Variants in GRM1 observed in about 807,000 individuals in gnomAD.
GRM1 encodes metabotropic glutamate receptor 1.
Under a neutral mutation model 90.9 loss-of-function variants are expected in GRM1, and 33 were observed. The observed-to-expected ratio is 0.36, with a 90% CI of 0.28 to 0.49. The LOEUF (loss-of-function observed/expected upper bound fraction) is 0.49. Among genes scored for constraint, GRM1 ranks in the 20% least tolerant of loss-of-function variants. The probability of loss-of-function intolerance (pLI) is 0.99; values close to 1 mark genes in which losing one functional copy is unlikely to be tolerated. For missense variants in GRM1, 1,190 were observed against 1,534.3 expected (o/e 0.78, Z 3.75); for synonymous variants, 700 against 613.2 (o/e 1.14, Z -2.09).
rs1381112707 is a variant in GRM1, at chr6:146,113,873, G to T, written c.701-45475G>T. Among the ~76,000 whole-genome samples, 3 of 152,102 alleles carry T rather than the reference G, an allele frequency of 2.0e-5. No homozygotes were observed. In the East Asian group the frequency reaches 5.8e-4, roughly 29 times the overall value. On this transcript the variant is annotated intron_variant, in intron 1 of 7. Coordinates refer to ENST00000282753, the MANE Select transcript of GRM1 (RefSeq NM_001278064.2). ...TGAGTTCATGGCTGTTTGGGGAGAG[G>T]TTCTTTGGGCCACCGGTCCTCAATC...
chr6:146,399,046 G>C lies in GRM1; in HGVS notation c.2007G>C (p.Ala669=). The C allele has an allele frequency of 6.2e-7, 1 of 1,613,940 alleles. No individual in the cohort carries two copies. The part of the protein sequence containing the change: ...LQRLLVGLSS[A]MCYSALVTKT... ...GCCTCTTGGTTGGCCTCTCCTCTGC[G>C]ATGTGCTACTCTGCTTTAGTGACTA... The change falls in exon 7 of 8, where the codon GCG becomes GCC. Residue 669 remains alanine, a synonymous_variant. Transcript: ENST00000282753. This position sits in a 1 kb window ranked among gnomAD's most constrained non-coding sequence, Gnocchi z 5.4.
Position 146,029,266 on chromosome 6 carries a change from G to A in GRM1, c.-252G>A. On this transcript the variant is annotated 5_prime_UTR_variant, in exon 1 of 8. The change creates a new upstream start codon in the 5' untranslated region. Coordinates refer to ENST00000282753, the MANE Select transcript of GRM1 (RefSeq NM_001278064.2). ...ATCAATTTACCTTGATGCACTACCG[G>A]TGAAGAACGGGGACTCGAATTCCCT... 1.8e-6 allele frequency: 1 copy of A among 553,816 alleles called. No individual in the cohort carries two copies. The highest frequency in any genetic ancestry group is 3.1e-5 in the Admixed American group (1 of 32,470). The allele number at this position is 553,816 out of a possible 1,614,324, so 34.3% of individuals were successfully genotyped here. A position where few individuals can be genotyped will look rare whatever the true frequency, so the allele number is the denominator to read the frequency against.
At chr6:146,337,194 A>G (rs1426974258) in intron 3 of GRM1, among the ~76,000 whole-genome samples, 17 of 152,282 alleles carry the variant, frequency 1.1e-4, no homozygotes, top group South Asian at 1.0e-3. Flanking sequence ...TCAGGACTAC[A>G]CTTCTGAAGC....
chr6:146,434,871 G>C lies in GRM1; in HGVS notation c.*75G>C, dbSNP rs541849317. ...CCTCCAGAGATGTGCAAACAGCTGG[G>C]AGGAAAAGCCTGGGAGTGGGGGGCC... On this transcript the variant is annotated 3_prime_UTR_variant, in exon 8 of 8. Transcript: ENST00000282753. 4.5e-6 allele frequency: 6 copies of C among 1,346,454 alleles called. No individual in the cohort carries two copies. Among genetic ancestry groups the C allele is most frequent in the Non-Finnish European group, 5.2e-6 (5 of 953,498 alleles). 83.4% of individuals were successfully genotyped at this position (1,346,454 alleles called of 1,614,324 possible).
intron 2 of GRM1, among the ~76,000 whole-genome samples, chr6:146,283,723 A>G (rs1782662832): frequency 6.6e-6 from 1 of 152,200 alleles, no homozygotes; most frequent in Non-Finnish European, 1.5e-5. Flanking sequence ...TTCTCATTTT[A>G]CAGATCAGGA....
At chr6:146,430,920 T>G (rs1420944014) in intron 7 of GRM1, among the ~76,000 whole-genome samples, 2 of 152,224 alleles carry the variant, frequency 1.3e-5, no homozygotes, top group African/African-American at 4.8e-5. Context: ...AAAACAGCAG[T>G]GCATTGTCTA....
intron 2 of GRM1, among the ~76,000 whole-genome samples, chr6:146,164,451 C>T: frequency 6.6e-6 from 1 of 152,082 alleles, no homozygotes; most frequent in East Asian, 1.9e-4. Context: ...CATCAAAAAG[C>T]TTGATAGCTA....
At chr6:146,370,581 A>G (rs1389096659) in intron 5 of GRM1, among the ~76,000 whole-genome samples, 1 of 151,980 alleles carries the variant, frequency 6.6e-6, no homozygotes, top group Non-Finnish European at 1.5e-5. Context: ...CTTTCCATTT[A>G]TTTATTCCCA....
In GRM1 at chr6:146,104,223, G is replaced by C. The variant is rs199659347; in HGVS notation, c.701-55125G>C. Among the ~76,000 whole-genome samples, 44 of 152,212 alleles carry C rather than the reference G, an allele frequency of 2.9e-4. No homozygotes were observed. The East Asian group carries it at 8.3e-3, about 29-fold the overall frequency. ...TGGGAGGCCGAGGCGGGCGGATCAC[G>C]AGGTCAGGAGATTGAGACCATCCTG... On this transcript the variant is annotated intron_variant, in intron 1 of 7. Transcript: ENST00000282753.
chr6:146,156,314 G>C (rs578057434), intron 1 of GRM1, among the ~76,000 whole-genome samples: 8 of 152,320 alleles, frequency 5.3e-5, no homozygotes, highest in Non-Finnish European at 1.0e-4. Flanking sequence ...GCTGAGACAG[G>C]AGAATTACTT....
chr6:146,286,679 A>G (rs1782776033), intron 2 of GRM1, among the ~76,000 whole-genome samples: 1 of 152,236 alleles, frequency 6.6e-6, no homozygotes, highest in African/African-American at 2.4e-5. Flanking sequence ...GAACAATTGG[A>G]AAGCGTAGTT....
At chr6:146,151,484 T>A (rs930966807) in intron 1 of GRM1, among the ~76,000 whole-genome samples, 1 of 152,198 alleles carries the variant, frequency 6.6e-6, no homozygotes, top group Non-Finnish European at 1.5e-5. Context: ...CTCAATATTT[T>A]AGGAGTGGAA....
chr6:146,390,956 C>G (rs1308036377), intron 6 of GRM1, among the ~76,000 whole-genome samples: 1 of 152,036 alleles, frequency 6.6e-6, no homozygotes, highest in Non-Finnish European at 1.5e-5. Flanking sequence ...AACAGAATTT[C>G]ACCTGGTAGA....
chr6:146,252,238 T>A (rs930906221), intron 2 of GRM1, among the ~76,000 whole-genome samples: 1 of 152,124 alleles, frequency 6.6e-6, no homozygotes, highest in African/African-American at 2.4e-5. Flanking sequence ...AGATTATACA[T>A]GCAAAAAACA....
chr6:146,120,516 A>G (rs1775941719), intron 1 of GRM1, among the ~76,000 whole-genome samples: 1 of 152,156 alleles, frequency 6.6e-6, no homozygotes, highest in Non-Finnish European at 1.5e-5. Context: ...GTCTTGTGCC[A>G]GTTTTCAAAG....
intron 2 of GRM1, among the ~76,000 whole-genome samples, chr6:146,280,211 G>C (rs1782517281): frequency 6.6e-6 from 1 of 151,818 alleles, no homozygotes. Flanking sequence ...GCTGTGATTT[G>C]GATAATGATC....
chr6:146,113,301 C>T (rs1775628665), intron 1 of GRM1, among the ~76,000 whole-genome samples: 1 of 152,138 alleles, frequency 6.6e-6, no homozygotes, highest in African/African-American at 2.4e-5. Flanking sequence ...TTTTGAGACA[C>T]TAGATTTGCA....
intron 2 of GRM1, among the ~76,000 whole-genome samples, chr6:146,247,720 T>C (rs1209924025): frequency 1.4e-5 from 2 of 138,598 alleles, no homozygotes; most frequent in African/African-American, 5.4e-5. Flanking sequence ...CACTGCTCCC[T>C]AGCCTGGGTG....
At chr6:146,282,408 G>A (rs1782600012) in intron 2 of GRM1, among the ~76,000 whole-genome samples, 1 of 151,988 alleles carries the variant, frequency 6.6e-6, no homozygotes, top group African/African-American at 2.4e-5. Context: ...ACCTGTTTGG[G>A]TCACTGCTTC....
Sources: allele counts gnomAD v4.1 joint callset (sites outside exome capture counted in the v4.1 genomes callset), GRCh38; gene constraint gnomAD v4.1.1; non-coding constraint Gnocchi (gnomAD v3.1); transcripts MANE v1.5; gene names NCBI Gene and HGNC (gene_info 2026-07-23, HGNC 2026-07-21).